The following PCDH15 variants were observed in gnomAD, a reference collection of about 807,000 sequenced individuals.
The protein encoded by PCDH15 is protocadherin-15.
In PCDH15, 129 loss-of-function variants were observed where a neutral mutation model predicts 178.5. The ratio of observed to expected loss-of-function variants is 0.72; its 90% CI spans 0.63 to 0.84. PCDH15 has a LOEUF of 0.84. Among genes scored for constraint, PCDH15 ranks in the 40% least tolerant of loss-of-function variants. The pLI, the probability that PCDH15 is intolerant of heterozygous loss-of-function variation, is 0.00. For synonymous variants in PCDH15, 800 were observed against 732.0 expected, an observed-to-expected ratio of 1.09 and a Z score of -1.50; for missense variants, 2,230 against 2,099.9, an observed-to-expected ratio of 1.06 and a Z score of -1.21.
chr10:54,681,227 C>G (rs1252512324), intron 1 of PCDH15, among the ~76,000 whole-genome samples: 1 of 152,146 alleles, frequency 6.6e-6, no homozygotes. Context: ...AAGAGTTTGG[C>G]TTTGATTGCT....
At chr10:54,489,748 A>C (rs1043756901) in intron 3 of PCDH15, among the ~76,000 whole-genome samples, 1 of 152,126 alleles carries the variant, frequency 6.6e-6, no homozygotes, top group Non-Finnish European at 1.5e-5. Flanking sequence ...CTAAATATAT[A>C]TTATACCTTA....
At chr10:54,295,688 A>G (rs1191122469) in intron 8 of PCDH15, among the ~76,000 whole-genome samples, 3 of 152,228 alleles carry the variant, frequency 2.0e-5, no homozygotes, top group African/African-American at 7.2e-5. Flanking sequence ...TGAAGTCAGC[A>G]AGACCAAGAA....
chr10:55,266,932 C>A (rs570665825), intron 1 of PCDH15, among the ~76,000 whole-genome samples: 86 of 152,312 alleles, frequency 5.6e-4, no homozygotes, highest in African/African-American at 2.1e-3. Flanking sequence ...CCCACTGGGG[C>A]TTCAGCTGTT....
At chr10:55,016,103 A>ATTT (rs1564718223) in intron 2 of PCDH15, among the ~76,000 whole-genome samples, 9 of 70,502 alleles carry the variant, frequency 1.3e-4, no homozygotes, top group African/African-American at 2.6e-4. Context: ...TTTTTTAAAA[A>ATTT]AAAAAAAAAA....
intron 1 of PCDH15, among the ~76,000 whole-genome samples, chr10:55,281,636 A>C (rs182177075): frequency 6.6e-6 from 1 of 152,254 alleles, no homozygotes; most frequent in Admixed American, 6.5e-5. Flanking sequence ...CATCTATATG[A>C]CAATGACTCG....
intron 1 of PCDH15, among the ~76,000 whole-genome samples, chr10:54,733,435 A>G (rs2132686017): frequency 6.6e-6 from 1 of 151,706 alleles, no homozygotes; most frequent in African/African-American, 2.4e-5. Flanking sequence ...ATCTATATTC[A>G]GAAAAATACA....
intron 25 of PCDH15, chr10:53,905,188 C>T (rs2082589324): frequency 1.9e-6 from 1 of 518,814 alleles, no homozygotes; most frequent in Non-Finnish European, 3.8e-6. Context: ...CTGTTGTTGT[C>T]TCACCTGAGT....
chr10:54,360,551 C>G (rs17727669), intron 5 of PCDH15, among the ~76,000 whole-genome samples: 18,451 of 151,892 alleles, frequency 0.12, 1,205 homozygotes, highest in Middle Eastern at 0.2. Context: ...TTCATGGGTC[C>G]CATTTCATTA....
At chr10:54,864,057 T>C (rs952833350) in intron 3 of PCDH15, among the ~76,000 whole-genome samples, 11 of 152,166 alleles carry the variant, frequency 7.2e-5, no homozygotes, top group African/African-American at 2.7e-4. Context: ...AAGGAGTTGG[T>C]AGCTCCCAGA....
chr10:55,137,645 A>C (rs73259850), intron 2 of PCDH15, among the ~76,000 whole-genome samples: 10,663 of 152,086 alleles, frequency 0.07, 370 homozygotes, highest in Middle Eastern at 0.095. Context: ...AACAGGTCAA[A>C]TATTGTTTTA....
At chr10:54,822,560 CAT>C (rs1953063009) in intron 3 of PCDH15, among the ~76,000 whole-genome samples, 1 of 152,218 alleles carries the variant, frequency 6.6e-6, no homozygotes, top group East Asian at 1.9e-4. Context: ...GTTGACTCCA[CAT>C]GTTTGCTGTT....
intron 8 of PCDH15, among the ~76,000 whole-genome samples, chr10:54,294,709 C>T (rs1591637744): frequency 6.6e-6 from 1 of 152,072 alleles, no homozygotes; most frequent in African/African-American, 2.4e-5. Flanking sequence ...GTCAATCTGT[C>T]AAAATTACAC....
At chr10:54,285,174 T>C (rs1238964336) in intron 8 of PCDH15, among the ~76,000 whole-genome samples, 2 of 152,054 alleles carry the variant, frequency 1.3e-5, no homozygotes, top group African/African-American at 4.8e-5. Flanking sequence ...TAATACTTCA[T>C]GACATTGGTC....
At chr10:54,202,106 T>C (rs1285478514) in intron 10 of PCDH15, among the ~76,000 whole-genome samples, 1 of 152,234 alleles carries the variant, frequency 6.6e-6, no homozygotes, top group African/African-American at 2.4e-5. Flanking sequence ...GTTGTGACTT[T>C]GCTCTTAACA....
At chr10:54,388,706 T>C (rs1565151901) in intron 3 of PCDH15, among the ~76,000 whole-genome samples, 1 of 152,140 alleles carries the variant, frequency 6.6e-6, no homozygotes, top group Non-Finnish European at 1.5e-5. Flanking sequence ...TAAAATAAAA[T>C]AAATCACCTT....
chr10:54,864,552 C>T (rs1048460151), intron 3 of PCDH15: 2 of 152,088 alleles, frequency 1.3e-5, no homozygotes, highest in Middle Eastern at 3.2e-3. Flanking sequence ...GTGGCAAAGA[C>T]AAACATTTAT....
intron 2 of PCDH15, among the ~76,000 whole-genome samples, chr10:55,001,974 G>T (rs1262967733): frequency 1.3e-5 from 2 of 152,142 alleles, no homozygotes; most frequent in Non-Finnish European, 2.9e-5. Flanking sequence ...TAATTTTTTT[G>T]AACCCAAGAT....
intron 3 of PCDH15, among the ~76,000 whole-genome samples, chr10:54,430,118 T>C (rs111306313): frequency 3.0e-4 from 45 of 148,262 alleles, no homozygotes; most frequent in African/African-American, 1.1e-3. Context: ...TGCAACTGTG[T>C]GATCTCGGCT....
At chr10:54,720,946 A>G (rs11004496) in intron 1 of PCDH15, among the ~76,000 whole-genome samples, 18,533 of 152,018 alleles carry the variant, frequency 0.12, 1,261 homozygotes, top group African/African-American at 0.17. Flanking sequence ...ACATTATTTT[A>G]TCTTTGGATA....
Sources: allele counts gnomAD v4.1 joint callset (sites outside exome capture counted in the v4.1 genomes callset), GRCh38; gene constraint gnomAD v4.1.1; transcripts MANE v1.5; gene names NCBI Gene and HGNC (gene_info 2026-07-23, HGNC 2026-07-21).